NEB: variants seen among roughly 807,000 people sequenced by gnomAD.
The protein encoded by NEB is nebulin.
NEB carries 512 observed loss-of-function variants against 952.2 expected under a neutral mutation model. The ratio of observed to expected loss-of-function variants is 0.54; its 90% CI spans 0.50 to 0.58. The LOEUF is 0.58. Among genes scored for constraint, NEB ranks in the 20% least tolerant of loss-of-function variants. The pLI is 0.00. For synonymous variants in NEB, 2,900 were observed against 3,149.8 expected, an observed-to-expected ratio of 0.92 and a Z score of 2.66; for missense variants, 8,428 against 9,231.1, an observed-to-expected ratio of 0.91 and a Z score of 3.56.
At chr2:151,659,001 A>G in intron 47 of NEB, 64 bp downstream of exon 47, 2 of 1,105,422 alleles carry the variant, frequency 1.8e-6, no homozygotes, top group Non-Finnish European at 2.8e-6. Flanking sequence ...GATATTAATT[A>G]ATTTGTTCTT....
At chr2:151,657,895 G>A in intron 48 of NEB, 88 bp downstream of exon 48, 1 of 874,168 alleles carries the variant, frequency 1.1e-6, no homozygotes, top group South Asian at 1.5e-5. Context: ...TTTTCATATT[G>A]TGTCCACTCA....
intron 45 of NEB, 123 bp from the exon 46 acceptor site, chr2:151,662,464 A>G (rs1317998224): frequency 4.9e-6 from 4 of 823,608 alleles, no homozygotes; most frequent in Non-Finnish European, 5.3e-6. Flanking sequence ...TTCCACTTCA[A>G]TATTTGCTTG....
chr2:151,680,984 T>C (rs1016258485), intron 29 of NEB, among the ~76,000 whole-genome samples, 156 bp from the exon 30 acceptor site: 13 of 152,180 alleles, frequency 8.5e-5, no homozygotes, highest in Admixed American at 4.6e-4. Context: ...ATGAATGCAA[T>C]ACAAAAGTCA....
At chr2:151,542,379 T>C (rs1244889020) in intron 135 of NEB, among the ~76,000 whole-genome samples, 2 of 152,196 alleles carry the variant, frequency 1.3e-5, no homozygotes, top group African/African-American at 4.8e-5. Flanking sequence ...ACATATCCAG[T>C]GTCTTTCCTG....
rs144392345 is a variant in NEB, at chr2:151,610,299, A to G, written c.12019-179T>C. ...TTAAAAATAATTGTAATGTAATCAT[A>G]TATCTTCATTGGTGAAAGCATTCCC... On this transcript the variant is annotated intron_variant, in intron 80 of 181. Transcript: ENST00000397345. Among the ~76,000 whole-genome samples the G allele has an allele frequency of 1.4e-3, 220 of 152,366 alleles. 1 individual carries two copies. Among genetic ancestry groups the G allele is most frequent in the African/African-American group, 5.0e-3 (208 of 41,586 alleles).
chr2:151,617,302 G>A, intron 75 of NEB, 62 bp downstream of exon 75: 2 of 1,147,994 alleles, frequency 1.7e-6, no homozygotes, highest in Non-Finnish European at 2.5e-6. Context: ...TTTTCCTAAG[G>A]AAACAGCTAC....
intron 161 of NEB, among the ~76,000 whole-genome samples, chr2:151,511,244 T>A (rs2074022821): frequency 6.6e-6 from 1 of 152,212 alleles, no homozygotes; most frequent in African/African-American, 2.4e-5. Context: ...CCATATCATT[T>A]TGGTAGTTTT....
chr2:151,618,142 T>C, intron 74 of NEB, 133 bp downstream of exon 74: 1 of 781,144 alleles, frequency 1.3e-6, no homozygotes, highest in East Asian at 2.6e-5. Flanking sequence ...GTAACTATGG[T>C]ATTATAGTGG....
At chr2:151,515,000 G>GAA (rs969597614) in intron 157 of NEB, 72 bp from the exon 158 acceptor site, 100 of 835,686 alleles carry the variant, frequency 1.2e-4, no homozygotes, top group South Asian at 3.2e-4. Context: ...ATCTCAGGAA[G>GAA]AAAAAAAAAA....
chr2:151,723,750 G>GTTTTTTTTTTTTTTTTTTTTTTTTCTTT (rs11308757), intron 8 of NEB, among the ~76,000 whole-genome samples: 1 of 51,364 alleles, frequency 1.9e-5, no homozygotes, highest in African/African-American at 7.2e-5. Context: ...TGCCTTCTTT[G>GTTTTTTTTTTTTTTTTTTTTTTTTCTTT]TTTTTTTTTT....
intron 124 of NEB, among the ~76,000 whole-genome samples, chr2:151,555,588 G>A (rs535855138): frequency 4.6e-5 from 7 of 152,206 alleles, no homozygotes; most frequent in East Asian, 1.9e-4. Flanking sequence ...CATGTTGCCC[G>A]TTAATTAGTG....
Position 151,684,921 on chromosome 2 carries a change from C to A in NEB, c.2692G>T (p.Asp898Tyr). 2 of 1,613,122 alleles carry A rather than the reference C, an allele frequency of 1.2e-6. No individual in the cohort carries two copies. Among genetic ancestry groups the A allele is most frequent in the Non-Finnish European group, 1.7e-6 (2 of 1,179,544 alleles). The change falls in exon 28 of 182, where the codon GAT (aspartate) becomes TAT (tyrosine). Residue 898 changes from aspartate (D) to tyrosine (Y), a missense_variant. Asp to Tyr is a radical substitution (Grantham distance 160). Coordinates refer to ENST00000397345, the MANE Select transcript of NEB (RefSeq NM_001164508.2). ...TTAGCTTGAGTGACTTGGAGCATAT[C>A]AAGAGGTGCCGTGTAGATAGTTTTT... Reference protein sequence around the residue: ...KSKTIYTAPLDMLQVTQAKKS... With the variant: ...KSKTIYTAPLYMLQVTQAKKS...
At chr2:151,495,182 A>G (rs1200364916) in intron 173 of NEB, 1 of 152,222 alleles carries the variant, frequency 6.6e-6, no homozygotes, top group Admixed American at 6.5e-5. Flanking sequence ...AATGAGAAAC[A>G]TAGTAACACA....
chr2:151,621,684 A>G (rs897599109), intron 71 of NEB, among the ~76,000 whole-genome samples: 2 of 152,176 alleles, frequency 1.3e-5, no homozygotes, highest in African/African-American at 4.8e-5. Context: ...CAAAACACAA[A>G]TGTTCCATGG....
chr2:151,706,796 A>G (rs576192217), intron 13 of NEB, 85 bp downstream of exon 13: 207 of 936,470 alleles, frequency 2.2e-4, no homozygotes, highest in Non-Finnish European at 2.8e-4. Context: ...TTGCAAAGTT[A>G]TATATTCATT....
intron 10 of NEB, among the ~76,000 whole-genome samples, chr2:151,714,458 A>G (rs913560861): frequency 2.6e-5 from 4 of 152,154 alleles, no homozygotes; most frequent in African/African-American, 9.7e-5. Context: ...ATCCAAGTTC[A>G]TAGTCTTTCT....
intron 145 of NEB, 95 bp downstream of exon 145, chr2:151,530,899 T>G: frequency 1.3e-6 from 1 of 763,454 alleles, no homozygotes; most frequent in Non-Finnish European, 2.2e-6. Flanking sequence ...TTAGGGTGGT[T>G]GTTACACAGG....
Position 151,538,187 on chromosome 2 carries a change from C to A in NEB, c.20950G>T (p.Ala6984Ser), listed in dbSNP as rs1204492643. Residue 6984 changes from alanine (A) to serine (S), a missense_variant, in exon 139 of 182, where the codon GCC becomes TCC. By Grantham distance (99) the Ala-to-Ser change is moderately conservative. Transcript: ENST00000397345. Reference sequence around the variant, plus strand: ...TTGCGATGATAGACAATGTCTAGGGCATCTTTCACCGTGTGGTATTTCCCT... The same window carrying A: ...TTGCGATGATAGACAATGTCTAGGGAATCTTTCACCGTGTGGTATTTCCCT... Reference protein sequence around the residue: ...TKGKYHTVKDALDIVYHRKVT... With the variant: ...TKGKYHTVKDSLDIVYHRKVT... 6.2e-7 allele frequency: 1 copy of A among 1,613,298 alleles called. No individual in the cohort carries two copies. The highest frequency in any genetic ancestry group is 8.5e-7 in the Non-Finnish European group (1 of 1,179,360).
chr2:151,646,500 G>A (rs1453886683), intron 54 of NEB, among the ~76,000 whole-genome samples: 1 of 152,162 alleles, frequency 6.6e-6, no homozygotes, highest in Non-Finnish European at 1.5e-5. Context: ...TACATGCCTT[G>A]CCAATATTAT....
Sources: allele counts gnomAD v4.1 joint callset (sites outside exome capture counted in the v4.1 genomes callset), GRCh38; gene constraint gnomAD v4.1.1; transcripts MANE v1.5; gene names NCBI Gene and HGNC (gene_info 2026-07-23, HGNC 2026-07-21).